Variants in STK32A observed in about 807,000 individuals in gnomAD.
STK32A encodes serine/threonine kinase 32A, also known as serine/threonine-protein kinase 32A.
Under a neutral mutation model 53.2 loss-of-function variants are expected in STK32A, and 41 were observed. The observed-to-expected ratio is 0.77, with a 90% confidence interval of 0.60 to 1.00. The LOEUF (loss-of-function observed/expected upper bound fraction) is 1.00. STK32A is among the 50% of genes least tolerant of loss of function. STK32A has a pLI of 0.00. For synonymous variants in STK32A, 166 were observed against 162.8 expected, an observed-to-expected ratio of 1.02 and a Z score of -0.15; for missense variants, 458 against 485.8, an observed-to-expected ratio of 0.94 and a Z score of 0.54.
At chr5:147,275,699 G>C (rs1205571922) in intron 2 of STK32A, among the ~76,000 whole-genome samples, 1 of 152,132 alleles carries the variant, frequency 6.6e-6, no homozygotes, top group Non-Finnish European at 1.5e-5. Flanking sequence ...ACTTCAGACA[G>C]TACGGCACTA....
intron 4 of STK32A, among the ~76,000 whole-genome samples, chr5:147,298,889 G>A (rs1319059163): frequency 1.3e-5 from 2 of 152,176 alleles, no homozygotes; most frequent in East Asian, 3.9e-4. Flanking sequence ...TGTATGGCTT[G>A]AATAAAGTCT....
chr5:147,274,131 C>T (rs185037714), intron 2 of STK32A, among the ~76,000 whole-genome samples: 2 of 152,266 alleles, frequency 1.3e-5, no homozygotes, highest in East Asian at 1.9e-4. Flanking sequence ...TGTGTGTTAA[C>T]GTGGTATACC....
At chr5:147,341,926 G>A (rs1242311197) in intron 5 of STK32A, among the ~76,000 whole-genome samples, 1 of 152,082 alleles carries the variant, frequency 6.6e-6, no homozygotes, top group Non-Finnish European at 1.5e-5. Flanking sequence ...TCCAATGAAG[G>A]GAGTAGTCTG....
intron 5 of STK32A, among the ~76,000 whole-genome samples, chr5:147,333,802 A>G (rs989658572): frequency 1.3e-5 from 2 of 152,176 alleles, no homozygotes; most frequent in African/African-American, 4.8e-5. Context: ...TTCTTATATA[A>G]CGCAAACATT....
At chr5:147,393,656 C>T in the STK32A span, 2 of 204,912 alleles carry the variant, frequency 9.8e-6, no homozygotes, top group Non-Finnish European at 2.0e-5. Context: ...ACCCACTCAC[C>T]CCAAATAACC....
chr5:147,360,423 C>T (rs1183574211), intron 7 of STK32A, among the ~76,000 whole-genome samples: 1 of 135,260 alleles, frequency 7.4e-6, no homozygotes, highest in Non-Finnish European at 1.5e-5. Flanking sequence ...TGCAATCCAG[C>T]CTGGGCAATG....
chr5:147,383,497 C>A lies in STK32A; in HGVS notation c.1089C>A (p.Asn363Lys), dbSNP rs772286007. 1.9e-6 allele frequency: 3 copies of A among 1,590,106 alleles called. No homozygotes were observed. The highest frequency in any genetic ancestry group is 1.3e-5 in the African/African-American group (1 of 74,552). Residue 363 changes from asparagine (N) to lysine (K), a missense_variant, in exon 12 of 13, where the codon AAC (asparagine) becomes AAA (lysine). Transcript: ENST00000397936. ...TCCAGAAGGAGTTCATAATTTTCAA[C>A]AGAGAAAAGTAAGTAATTCCTGGGA... ...DSVQKEFIIF[N>K]REKVNRDFNK...
chr5:147,399,069 G>A, the STK32A span: 1 of 1,613,524 alleles, frequency 6.2e-7, no homozygotes, highest in South Asian at 1.1e-5. Flanking sequence ...ACTCCCACCA[G>A]AGCGGGCCTT....
the STK32A span, chr5:147,394,099 C>T: frequency 2.5e-6 from 4 of 1,613,988 alleles, no homozygotes; most frequent in South Asian, 1.1e-5. Context: ...GCTGGCTGAG[C>T]GAACCCCCTC....
intron 4 of STK32A, among the ~76,000 whole-genome samples, chr5:147,279,627 G>T (rs932705962): frequency 3.9e-5 from 6 of 152,114 alleles, no homozygotes; most frequent in African/African-American, 1.2e-4. Context: ...TCCAGCGAAT[G>T]TCATGTAAGG....
At position 147,239,560 on chromosome 5, in the gene STK32A, A is replaced by G; in HGVS notation, c.-75A>G. 1 of 1,162,780 alleles carries G rather than the reference A, an allele frequency of 8.6e-7. No individual in the cohort carries two copies. Among genetic ancestry groups the G allele is most frequent in the East Asian group, 2.5e-5 (1 of 40,616 alleles). 72.0% of individuals were successfully genotyped at this position (1,162,780 alleles called of 1,614,324 possible). A position where few individuals can be genotyped will look rare whatever the true frequency, so the allele number is the denominator to read the frequency against. On this transcript the variant is annotated 5_prime_UTR_variant, in exon 2 of 13. Coordinates refer to ENST00000397936, the MANE Select transcript of STK32A (RefSeq NM_001112724.2). ...CTAGATATCCAACTAAGGCTTCGGG[A>G]CATGTTTTGAGCGAAGATGGGTGTT...
chr5:147,253,602 C>T (rs1389536366), intron 2 of STK32A, among the ~76,000 whole-genome samples: 1 of 152,138 alleles, frequency 6.6e-6, no homozygotes, highest in South Asian at 2.1e-4. Flanking sequence ...GTGATCCACC[C>T]ACCTCAGCCT....
At chr5:147,394,830 C>T in the STK32A span, among the ~76,000 whole-genome samples, 1 of 152,160 alleles carries the variant, frequency 6.6e-6, no homozygotes, top group South Asian at 2.1e-4. Flanking sequence ...GTTTCTGTTT[C>T]TCCCATTCCA....
At chr5:147,346,140 G>A (rs757851667) in intron 6 of STK32A, among the ~76,000 whole-genome samples, 5 of 152,230 alleles carry the variant, frequency 3.3e-5, no homozygotes, top group Admixed American at 6.5e-5. Context: ...TCCCCAGCTC[G>A]TTATGTAGAG....
At chr5:147,389,639 C>T (rs973155748), downstream of STK32A, among the ~76,000 whole-genome samples, 2 of 152,086 alleles carry the variant, frequency 1.3e-5, no homozygotes, top group Admixed American at 6.6e-5. Context: ...GAGGCCGAGG[C>T]GGGTGGATTA....
chr5:147,398,385 GC>G, the STK32A span, among the ~76,000 whole-genome samples: 1 of 152,068 alleles, frequency 6.6e-6, no homozygotes, highest in South Asian at 2.1e-4. Context: ...TTCACCATTC[GC>G]TTGCTGCACA....
At chr5:147,347,015 A>C (rs189141237) in intron 6 of STK32A, among the ~76,000 whole-genome samples, 19 of 152,338 alleles carry the variant, frequency 1.2e-4, no homozygotes, top group Admixed American at 1.1e-3. Context: ...TGTAGAATAC[A>C]GTAACTTATC....
intron 7 of STK32A, 112 bp downstream of exon 7, chr5:147,351,266 T>G: frequency 1.2e-6 from 1 of 857,338 alleles, no homozygotes; most frequent in South Asian, 1.7e-5. Context: ...TCTCTGACTT[T>G]ACCTGTGGAG....
At chr5:147,245,385 A>G (rs7717907) in intron 2 of STK32A, among the ~76,000 whole-genome samples, 62,513 of 152,100 alleles carry the variant, frequency 0.41, 12,988 homozygotes, top group Admixed American at 0.45. Context: ...ACGTGCAAGT[A>G]ACACTTCTTT....
Sources: allele counts gnomAD v4.1 joint callset (sites outside exome capture counted in the v4.1 genomes callset), GRCh38; gene constraint gnomAD v4.1.1; transcripts MANE v1.5; gene names NCBI Gene and HGNC (gene_info 2026-07-23, HGNC 2026-07-21).